The following AMBRA1 variants were observed in gnomAD, a reference collection of about 807,000 sequenced individuals.
AMBRA1 encodes activating molecule in BECN1-regulated autophagy protein 1.
Under a neutral mutation model 125.4 loss-of-function variants are expected in AMBRA1, and 47 were observed. The observed-to-expected ratio is 0.37, with a 90% confidence interval of 0.30 to 0.48. AMBRA1 has a LOEUF of 0.48. Among genes scored for constraint, AMBRA1 ranks in the 20% least tolerant of loss-of-function variants. The pLI is 0.99. For missense variants in AMBRA1, 1,331 were observed against 1,693.4 expected, an observed-to-expected ratio of 0.79 and a Z score of 3.76; for synonymous variants, 626 against 655.5, an observed-to-expected ratio of 0.95 and a Z score of 0.69.
intron 1 of AMBRA1, among the ~76,000 whole-genome samples, chr11:46,581,155 T>C (rs1475779245): frequency 6.6e-6 from 1 of 151,930 alleles, no homozygotes; most frequent in Non-Finnish European, 1.5e-5. Context: ...ACCTTCAAAA[T>C]CTTCTAATTA....
intron 1 of AMBRA1, among the ~76,000 whole-genome samples, chr11:46,586,738 A>T (rs1481986034): frequency 6.6e-6 from 1 of 152,244 alleles, no homozygotes; most frequent in Non-Finnish European, 1.5e-5. Context: ...GGTATTTTAC[A>T]GATGAGGAGA....
At chr11:46,551,096 CAAAA>C (rs57293525) in intron 1 of AMBRA1, among the ~76,000 whole-genome samples, 4 of 49,338 alleles carry the variant, frequency 8.1e-5, no homozygotes, top group Non-Finnish European at 4.6e-5. Flanking sequence ...GACTCCGCCT[CAAAA>C]AAAAAAAAAA....
chr11:46,568,349 T>C (rs775477635), intron 1 of AMBRA1, among the ~76,000 whole-genome samples: 3 of 151,472 alleles, frequency 2.0e-5, no homozygotes, highest in Non-Finnish European at 2.9e-5. Flanking sequence ...TTCCAGCTAC[T>C]CAGAAGGCTG....
chr11:46,407,743 G>A (rs981327223), intron 17 of AMBRA1, among the ~76,000 whole-genome samples: 3 of 152,198 alleles, frequency 2.0e-5, no homozygotes, highest in Non-Finnish European at 2.9e-5. Context: ...GACGTGCACC[G>A]TGGCTTTTCC....
At chr11:46,535,540 C>T (rs144135818) in intron 7 of AMBRA1, among the ~76,000 whole-genome samples, 6 of 152,098 alleles carry the variant, frequency 3.9e-5, no homozygotes, top group Admixed American at 3.9e-4. Context: ...TAGGAAAGAA[C>T]CTTCGCATTT....
intron 11 of AMBRA1, among the ~76,000 whole-genome samples, chr11:46,453,228 T>C (rs542121474): frequency 6.6e-6 from 1 of 152,278 alleles, no homozygotes; most frequent in East Asian, 1.9e-4. Flanking sequence ...TTTTCAAAGT[T>C]TATCCACGCT....
Position 46,514,966 on chromosome 11 carries a change from T to A in AMBRA1, c.2073-2153A>T, listed in dbSNP as rs185032176. Among the ~76,000 whole-genome samples, 8 of 152,320 alleles carry A rather than the reference T, an allele frequency of 5.3e-5. No individual in the cohort carries two copies. In the East Asian group the frequency reaches 1.2e-3, roughly 22 times the overall value. On this transcript the variant is annotated intron_variant, in intron 7 of 17. Coordinates refer to ENST00000683756, the MANE Select transcript of AMBRA1 (RefSeq NM_001387011.1). ...CATCTTATATAGTACTTATTTATCATTTAACAAACCAGTTCTTCAGGAACT... is the reference window on the plus strand; with the variant it reads ...CATCTTATATAGTACTTATTTATCAATTAACAAACCAGTTCTTCAGGAACT...
In AMBRA1 at chr11:46,542,118, C is replaced by T. The variant is rs755477549; in HGVS notation, c.1899G>A (p.Glu633=). 6.2e-7 allele frequency: 1 copy of T among 1,614,104 alleles called. No homozygotes were observed. Among genetic ancestry groups the T allele is most frequent in the Non-Finnish European group, 8.5e-7 (1 of 1,179,978 alleles). The change falls in exon 7 of 18, where the codon GAG becomes GAA. Residue 633 remains glutamate (E), a synonymous_variant. Transcript: ENST00000683756. This position sits in a 1 kb window ranked among gnomAD's most constrained non-coding sequence, Gnocchi z 5.9. The part of the protein sequence containing the change: ...EGQTPSSSRL[E]LSSSASPQEE... ...CCTGCGGACTAGCAGAGCTGCTCAA[C>T]TCCAGCCTGCTGGAGCTGGGCGTTT...
intron 11 of AMBRA1, among the ~76,000 whole-genome samples, chr11:46,446,633 C>G (rs1045662748): frequency 1.3e-5 from 2 of 152,184 alleles, no homozygotes; most frequent in Non-Finnish European, 2.9e-5. Flanking sequence ...TTTAGCATCC[C>G]TGGCCTCTAC....
In AMBRA1 at chr11:46,527,477, C is replaced by CAAAAAAAAAAAAAAAAAAAAAAA. The variant is rs59904013; in HGVS notation, c.2072+14445_2072+14467dup. On this transcript the variant is annotated intron_variant, in intron 7 of 17. Coordinates refer to ENST00000683756, the MANE Select transcript of AMBRA1 (RefSeq NM_001387011.1). ...CCTAGGTGACAAAGTGAGACTGTCT[C>CAAAAAAAAAAAAAAAAAAAAAAA]AAAAAAAAAAAAAAAAAAAAAAAAA... Among the ~76,000 whole-genome samples the CAAAAAAAAAAAAAAAAAAAAAAA allele has an allele frequency of 7.3e-4, 19 of 25,942 alleles. 2 individuals carry two copies. The highest frequency in any genetic ancestry group is 9.8e-4 in the African/African-American group (5 of 5,090). The allele number at this position is 25,942 out of a possible 152,430, so 17.0% of individuals were successfully genotyped here. A position where few individuals can be genotyped will look rare whatever the true frequency, so the allele number is the denominator to read the frequency against.
At chr11:46,551,512 T>C (rs2042997055) in intron 1 of AMBRA1, among the ~76,000 whole-genome samples, 1 of 152,196 alleles carries the variant, frequency 6.6e-6, no homozygotes, top group Non-Finnish European at 1.5e-5. Context: ...ACCACTGCAC[T>C]AGGTGCTGAA....
In AMBRA1 at chr11:46,520,297, C is replaced by T. The variant is rs148818528; in HGVS notation, c.2073-7484G>A. ...AGCCATCAGGATGATAGCCTCATTA[C>T]ATGTCATGGAGCCTCTAGCAAACAC... is the stretch of plus-strand genomic sequence containing the variant. On this transcript the variant is annotated intron_variant, in intron 7 of 17. Coordinates refer to ENST00000683756, the MANE Select transcript of AMBRA1 (RefSeq NM_001387011.1). Among the ~76,000 whole-genome samples, 4 of 152,230 alleles carry T rather than the reference C, an allele frequency of 2.6e-5. No individual in the cohort carries two copies. The East Asian group carries it at 7.7e-4, about 29-fold the overall frequency.
chr11:46,424,809 C>T (rs1266093403), intron 14 of AMBRA1, among the ~76,000 whole-genome samples: 1 of 151,924 alleles, frequency 6.6e-6, no homozygotes, highest in African/African-American at 2.4e-5. Flanking sequence ...CACTGTACTC[C>T]ACCGTGGGTG....
intron 11 of AMBRA1, among the ~76,000 whole-genome samples, chr11:46,447,229 G>GAC (rs1948333454): frequency 6.6e-6 from 1 of 150,936 alleles, no homozygotes; most frequent in Non-Finnish European, 1.5e-5. Context: ...GACAGAGTGA[G>GAC]ACTCTTATCG....
rs532414337 is a variant in AMBRA1 at position 46,562,989 on chromosome 11, G to A, written c.-120-14489C>T. Reference sequence around the variant, plus strand: ...TTTTTTATATTTTTAGTGGAAACAGGGTTTCACCATGTTAGCCAAGCTGGT... The same window carrying A: ...TTTTTTATATTTTTAGTGGAAACAGAGTTTCACCATGTTAGCCAAGCTGGT... On this transcript the variant is annotated intron_variant, in intron 1 of 17. Coordinates refer to ENST00000683756, the MANE Select transcript of AMBRA1 (RefSeq NM_001387011.1). 2.6e-5 allele frequency among the ~76,000 whole-genome samples: 4 copies of A among 152,058 alleles called. No homozygotes were observed. In the South Asian group the frequency reaches 6.2e-4, roughly 24 times the overall value.
intron 1 of AMBRA1, among the ~76,000 whole-genome samples, chr11:46,564,752 AT>A (rs2043462818): frequency 6.6e-6 from 1 of 152,232 alleles, no homozygotes; most frequent in African/African-American, 2.4e-5. Context: ...CAACCTATCT[AT>A]CTAAAGAAGG....
chr11:46,440,346 T>C (rs991260495), intron 12 of AMBRA1, among the ~76,000 whole-genome samples: 3 of 152,192 alleles, frequency 2.0e-5, no homozygotes, highest in Non-Finnish European at 4.4e-5. Flanking sequence ...TACAGCATGC[T>C]ACCATTTGGG....
At chr11:46,437,917 G>A (rs1044505108) in intron 12 of AMBRA1, among the ~76,000 whole-genome samples, 10 of 152,132 alleles carry the variant, frequency 6.6e-5, no homozygotes, top group Non-Finnish European at 2.9e-5. Context: ...GACCCCAGCA[G>A]CACACAAACT....
At chr11:46,550,041 A>G (rs181547637) in intron 1 of AMBRA1, among the ~76,000 whole-genome samples, 65 of 151,596 alleles carry the variant, frequency 4.3e-4, no homozygotes, top group African/African-American at 1.5e-3. Context: ...CTGGTCTTGA[A>G]CTCCTGACCT....
Sources: gnomAD v4.1 joint callset for allele counts (sites outside exome capture counted in the v4.1 genomes callset) on GRCh38, gnomAD v4.1.1 for gene constraint, Gnocchi (gnomAD v3.1) non-coding constraint, MANE v1.5 for transcripts, NCBI Gene and HGNC (gene_info 2026-07-23, HGNC 2026-07-21) for gene names.